FAM110B: variants seen among roughly 807,000 people sequenced by gnomAD.
FAM110B encodes the protein family with sequence similarity 110 member B.
A neutral mutation model predicts 20.4 loss-of-function variants in FAM110B; 6 were observed. The observed-to-expected ratio is 0.29, with a 90% CI of 0.16 to 0.58. The LOEUF is 0.58. FAM110B is among the 20% of genes least tolerant of loss of function. The pLI is 0.90. For synonymous variants in FAM110B, 226 were observed against 214.1 expected (o/e 1.06, Z -0.49); for missense variants, 434 against 498.2 (o/e 0.87, Z 1.23).
chr8:58,076,099 G>A (rs1001050283), intron 3 of FAM110B, among the ~76,000 whole-genome samples: 7 of 152,282 alleles, frequency 4.6e-5, no homozygotes, highest in African/African-American at 1.7e-4. Flanking sequence ...TTAAGCCTAT[G>A]AATGTGCACC....
chr8:58,049,963 C>T (rs1417321496), intron 2 of FAM110B, among the ~76,000 whole-genome samples: 2 of 152,102 alleles, frequency 1.3e-5, no homozygotes, highest in Non-Finnish European at 2.9e-5. Context: ...AAAAGATGAA[C>T]ACTTTTCCTA....
intron 3 of FAM110B, among the ~76,000 whole-genome samples, chr8:58,117,196 A>G (rs952710075): frequency 2.0e-5 from 3 of 152,236 alleles, no homozygotes; most frequent in Non-Finnish European, 2.9e-5. Context: ...TCTGAATCTA[A>G]TAAAGCAGAA....
chr8:58,050,964 A>G (rs1284019530), intron 2 of FAM110B, among the ~76,000 whole-genome samples: 2 of 152,354 alleles, frequency 1.3e-5, no homozygotes, highest in Admixed American at 1.3e-4. Flanking sequence ...GAGATGCTGA[A>G]GACCGTGCTC....
rs551382124 is a variant in FAM110B at position 58,035,387 on chromosome 8, A to G, written c.-414+3684A>G. On this transcript the variant is annotated intron_variant, in intron 2 of 3. Coordinates refer to ENST00000519262, the MANE Select transcript of FAM110B (RefSeq NM_001377989.1). ...CATTCATTTTCCTCTACTTTGAACTAAAGACACATTTGAATCCTTGGTATA... is the reference window on the plus strand; with the variant it reads ...CATTCATTTTCCTCTACTTTGAACTGAAGACACATTTGAATCCTTGGTATA... Among the ~76,000 whole-genome samples, 36 of 152,364 alleles carry G rather than the reference A, an allele frequency of 2.4e-4. 1 individual carries two copies. In the Middle Eastern group the frequency reaches 0.017, roughly 72 times the overall value.
At position 58,034,620 on chromosome 8, in the gene FAM110B, G is replaced by A. The variant is rs576095034; in HGVS notation, c.-414+2917G>A. Among the ~76,000 whole-genome samples, 52 of 152,308 alleles carry A rather than the reference G, an allele frequency of 3.4e-4. No individual in the cohort carries two copies. In the South Asian group the frequency reaches 9.7e-3, roughly 29 times the overall value. On this transcript the variant is annotated intron_variant, in intron 2 of 3. Transcript: ENST00000519262. Reference sequence around the variant, plus strand: ...TATTCATCCATCAAAGCAGAATTACGATAGTGCCCAGATCATAGGATTGTT... The same window carrying A: ...TATTCATCCATCAAAGCAGAATTACAATAGTGCCCAGATCATAGGATTGTT...
Position 58,047,083 on chromosome 8 carries a change from G to A in FAM110B, c.-414+15380G>A, listed in dbSNP as rs183003885. Among the ~76,000 whole-genome samples, 241 of 152,248 alleles carry A rather than the reference G, an allele frequency of 1.6e-3. 1 individual carries two copies. Among genetic ancestry groups the A allele is most frequent in the Non-Finnish European group, 3.1e-3 (214 of 68,020 alleles). ...AGAGAAAATATTGGTGATGATAGGG[G>A]ACATTTCCAAACGATATTGAAAATA... is the stretch of plus-strand genomic sequence containing the variant. On this transcript the variant is annotated intron_variant, in intron 2 of 3. Transcript: ENST00000519262.
rs766614164 is a variant in FAM110B, at chr8:58,146,561, G to C, written c.331G>C (p.Val111Leu). ...CAACCACGCCAAGACCGAGAGCGGC[G>C]TGCAGAGGGAGAACCTGAAGCTGGA... ...FGNHAKTESG[V>L]QRENLKLEIL... is the part of the protein sequence containing the mutation. The change falls in exon 4 of 4, where the codon GTG (valine) becomes CTG (leucine). Residue 111 changes from valine to leucine, a missense_variant. Val to Leu is a conservative substitution (Grantham distance 32, BLOSUM62 1). Transcript: ENST00000519262. 1.2e-6 allele frequency: 2 copies of C among 1,614,054 alleles called. No individual in the cohort carries two copies. Among genetic ancestry groups the C allele is most frequent in the African/African-American group, 1.3e-5 (1 of 75,064 alleles).
intron 3 of FAM110B, among the ~76,000 whole-genome samples, chr8:58,131,228 G>C (rs1262584654): frequency 6.6e-6 from 1 of 152,102 alleles, no homozygotes; most frequent in Non-Finnish European, 1.5e-5. Flanking sequence ...AGTCTTTCCT[G>C]TATCAATGCA....
intron 2 of FAM110B, among the ~76,000 whole-genome samples, chr8:58,058,879 A>T (rs1805600618): frequency 6.6e-6 from 1 of 152,216 alleles, no homozygotes; most frequent in Non-Finnish European, 1.5e-5. Context: ...TAACAAATAT[A>T]TACACTCAGG....
chr8:58,112,274 A>G (rs1807077214), intron 3 of FAM110B, among the ~76,000 whole-genome samples: 4 of 152,348 alleles, frequency 2.6e-5, no homozygotes, highest in African/African-American at 9.6e-5. Flanking sequence ...GGTTGCAGTG[A>G]GCCAAGATTG....
intron 1 of FAM110B, among the ~76,000 whole-genome samples, chr8:58,022,915 C>T (rs956642068): frequency 8.5e-5 from 13 of 152,278 alleles, no homozygotes; most frequent in South Asian, 2.1e-4. Context: ...GCCCTGCCCT[C>T]GCAGGTGATG....
In FAM110B at chr8:58,146,551, C is replaced by G; in HGVS notation, c.321C>G (p.Thr107=). 3 of 1,614,004 alleles carry G rather than the reference C, an allele frequency of 1.9e-6. No homozygotes were observed. The highest frequency in any genetic ancestry group is 2.2e-5 in the South Asian group (2 of 91,084). The change falls in exon 4 of 4, where the codon ACC becomes ACG. Residue 107 remains threonine, a synonymous_variant. Coordinates refer to ENST00000519262, the MANE Select transcript of FAM110B (RefSeq NM_001377989.1). ...TLKVFGNHAK[T]ESGVQRENLK... ...AAGTGTTCGGCAACCACGCCAAGAC[C>G]GAGAGCGGCGTGCAGAGGGAGAACC...
At chr8:58,060,740 A>G (rs1035819450) in intron 2 of FAM110B, among the ~76,000 whole-genome samples, 1 of 152,184 alleles carries the variant, frequency 6.6e-6, no homozygotes, top group Admixed American at 6.5e-5. Context: ...ACAAAATGCA[A>G]AAAGATCTTT....
intron 3 of FAM110B, among the ~76,000 whole-genome samples, chr8:58,101,970 G>T (rs1381053415): frequency 6.6e-6 from 1 of 152,140 alleles, no homozygotes; most frequent in Admixed American, 6.5e-5. Flanking sequence ...TTGTATTTCT[G>T]CCATTTAGAA....
intron 3 of FAM110B, among the ~76,000 whole-genome samples, chr8:58,145,663 C>T (rs893756349): frequency 3.9e-5 from 6 of 152,246 alleles, no homozygotes; most frequent in Non-Finnish European, 8.8e-5. Context: ...GAAGAGTTCG[C>T]GCGTGGGAAA....
At chr8:58,120,585 C>T (rs566614576) in intron 3 of FAM110B, among the ~76,000 whole-genome samples, 9 of 152,284 alleles carry the variant, frequency 5.9e-5, no homozygotes, top group East Asian at 1.9e-4. Flanking sequence ...TGTTGGAACA[C>T]GAGCTTATGG....
intron 3 of FAM110B, among the ~76,000 whole-genome samples, chr8:58,083,665 A>G (rs1806258742): frequency 6.6e-6 from 1 of 152,190 alleles, no homozygotes; most frequent in African/African-American, 2.4e-5. Flanking sequence ...TACAGAATGC[A>G]GGCCACTCCC....
intron 1 of FAM110B, among the ~76,000 whole-genome samples, chr8:57,995,172 C>T (rs1585795837): frequency 6.6e-6 from 1 of 152,104 alleles, no homozygotes; most frequent in Admixed American, 6.5e-5. Context: ...AAGCTGGCCG[C>T]GCTGCGGAGC....
chr8:58,059,891 A>G (rs1360978475), intron 2 of FAM110B, among the ~76,000 whole-genome samples: 1 of 152,070 alleles, frequency 6.6e-6, no homozygotes, highest in Admixed American at 6.6e-5. Flanking sequence ...TAGGTTTGTG[A>G]TCTACCTCAG....
Sources: allele counts gnomAD v4.1 joint callset (sites outside exome capture counted in the v4.1 genomes callset), GRCh38; gene constraint gnomAD v4.1.1; transcripts MANE v1.5; gene names NCBI Gene and HGNC (gene_info 2026-07-23, HGNC 2026-07-21).